The following UHRF2 variants were observed in gnomAD, a reference collection of about 807,000 sequenced individuals.
UHRF2 encodes the protein ubiquitin like with PHD and ring finger domains 2.
In UHRF2, 23 loss-of-function variants were observed where a neutral mutation model predicts 96.8. The ratio of observed to expected loss-of-function variants is 0.24; its 90% CI spans 0.17 to 0.34. The LOEUF (loss-of-function observed/expected upper bound fraction) is 0.34. Ranked by LOEUF, UHRF2 falls within the 10% of genes least tolerant of loss-of-function variation. The pLI, the probability that UHRF2 is intolerant of heterozygous loss-of-function variation, is 1.00. For missense variants in UHRF2, 685 were observed against 981.5 expected, an observed-to-expected ratio of 0.70 and a Z score of 4.04; for synonymous variants, 385 against 332.6, an observed-to-expected ratio of 1.16 and a Z score of -1.72.
intron 4 of UHRF2, among the ~76,000 whole-genome samples, chr9:6,466,699 A>G (rs989449775): frequency 1.3e-5 from 2 of 152,182 alleles, no homozygotes; most frequent in Non-Finnish European, 2.9e-5. Flanking sequence ...TACAGAATAT[A>G]TACTTAATAT....
At chr9:6,462,703 G>T (rs2130853359) in intron 4 of UHRF2, among the ~76,000 whole-genome samples, 1 of 152,230 alleles carries the variant, frequency 6.6e-6, no homozygotes, top group Admixed American at 6.5e-5. Flanking sequence ...CGGATCATGA[G>T]GTCAGGAGTT....
intron 3 of UHRF2, among the ~76,000 whole-genome samples, chr9:6,438,044 T>G (rs935084217): frequency 1.3e-5 from 2 of 152,194 alleles, no homozygotes; most frequent in Non-Finnish European, 2.9e-5. Context: ...ACCTGGTGCA[T>G]GTTCAGAGTA....
chr9:6,482,207 T>C (rs1487999936), intron 8 of UHRF2, 108 bp downstream of exon 8: 9 of 895,246 alleles, frequency 1.0e-5, no homozygotes, highest in African/African-American at 1.7e-5. Flanking sequence ...ATTCACTTGT[T>C]AGAATGAAAT....
At chr9:6,485,322 C>G (rs1230408638) in intron 8 of UHRF2, among the ~76,000 whole-genome samples, 2 of 151,810 alleles carry the variant, frequency 1.3e-5, no homozygotes, top group Non-Finnish European at 2.9e-5. Flanking sequence ...TTTTTTGCAT[C>G]TTTTTTCGTA....
chr9:6,449,833 C>T (rs1821742381), intron 3 of UHRF2, among the ~76,000 whole-genome samples: 2 of 152,200 alleles, frequency 1.3e-5, no homozygotes, highest in South Asian at 4.1e-4. Context: ...CCCTAGCAGA[C>T]AATATTTCCC....
intron 9 of UHRF2, among the ~76,000 whole-genome samples, chr9:6,491,923 A>C (rs1489872087): frequency 1.3e-5 from 2 of 152,168 alleles, no homozygotes; most frequent in South Asian, 2.1e-4. Flanking sequence ...AATAGAGACA[A>C]GGTCTCGCTA....
At chr9:6,436,561 T>C (rs1023127063) in intron 3 of UHRF2, among the ~76,000 whole-genome samples, 1 of 152,226 alleles carries the variant, frequency 6.6e-6, no homozygotes, top group African/African-American at 2.4e-5. Context: ...ATAAGAGTTA[T>C]TGTTTGGCAA....
chr9:6,472,136 C>G (rs992201163), intron 4 of UHRF2, among the ~76,000 whole-genome samples: 6 of 152,182 alleles, frequency 3.9e-5, no homozygotes, highest in African/African-American at 1.4e-4. Context: ...ATTACAGTTA[C>G]CGCTACCATC....
chr9:6,503,419 A>AG (rs397962818), intron 14 of UHRF2, among the ~76,000 whole-genome samples: 1 of 151,958 alleles, frequency 6.6e-6, no homozygotes, highest in East Asian at 1.9e-4. Flanking sequence ...AAAAAAAAAA[A>AG]CCAGCCAAGA....
chr9:6,438,825 A>C (rs142490319), intron 3 of UHRF2, among the ~76,000 whole-genome samples: 49 of 152,348 alleles, frequency 3.2e-4, no homozygotes, highest in African/African-American at 1.2e-3. Flanking sequence ...AGGCCAAGAT[A>C]AATAGCTATT....
intron 2 of UHRF2, among the ~76,000 whole-genome samples, chr9:6,423,952 A>G (rs1027980075): frequency 6.6e-6 from 1 of 151,792 alleles, no homozygotes; most frequent in Non-Finnish European, 1.5e-5. Flanking sequence ...ATCAAAAAAA[A>G]TAAATAAATA....
Position 6,434,089 on chromosome 9 carries a change from A to T in UHRF2, c.560A>T (p.Asn187Ile), listed in dbSNP as rs767750776. Residue 187 changes from asparagine (N) to isoleucine (I), a missense_variant, in exon 3 of 16, where the codon AAT becomes ATT. Transcript: ENST00000276893. ...AAGCATAAATCCAAAGAGAACACAA[A>T]TAAATTGGACAGTGTACCCTCTACG... ...NIKHKSKENTNKLDSVPSTSN... is the reference protein window; with the variant it reads ...NIKHKSKENTIKLDSVPSTSN... 1.2e-6 allele frequency: 2 copies of T among 1,614,134 alleles called. No individual in the cohort carries two copies. Among genetic ancestry groups the T allele is most frequent in the Admixed American group, 3.3e-5 (2 of 60,014 alleles).
rs372251101 is a variant in UHRF2, at chr9:6,504,576, C to T, written c.2164-17C>T. 224 of 1,593,718 alleles carry T rather than the reference C, an allele frequency of 1.4e-4. No homozygotes were observed. The African/African-American group carries it at 2.6e-3, about 19-fold the overall frequency. On this transcript the variant is annotated splice_polypyrimidine_tract_variant and intron_variant, in intron 14 of 15. Coordinates refer to ENST00000276893, the MANE Select transcript of UHRF2 (RefSeq NM_152896.3). The stretch of plus-strand genomic sequence containing the variant: ...AACTGCTAACTTTTCTTTCCTTATC[C>T]TTGGATACTGTTCTAGAATTTTCTG...
intron 6 of UHRF2, among the ~76,000 whole-genome samples, 200 bp downstream of exon 6, chr9:6,478,008 C>A (rs1418995090): frequency 6.6e-6 from 1 of 152,124 alleles, no homozygotes; most frequent in African/African-American, 2.4e-5. Flanking sequence ...TTTTTAATCC[C>A]TTCCGTTTCT....
rs1194115583 is a variant in UHRF2, at chr9:6,481,782, C to A, written c.1284+16C>A. On this transcript the variant is annotated intron_variant, in intron 7 of 15. Transcript: ENST00000276893. ...CTGGGGCAGGGTAAAGAAGAAATTC[C>A]CCTTTTCTTCCTAATAGCAAGTTAT... 1.3e-6 allele frequency: 2 copies of A among 1,599,580 alleles called. No individual in the cohort carries two copies. The highest frequency in any genetic ancestry group is 4.5e-5 in the East Asian group (2 of 44,802).
chr9:6,455,645 G>A (rs901349302), intron 3 of UHRF2, among the ~76,000 whole-genome samples: 1 of 152,170 alleles, frequency 6.6e-6, no homozygotes, highest in Non-Finnish European at 1.5e-5. Flanking sequence ...AGTGTGGACT[G>A]TTACTGATTT....
At chr9:6,422,768 C>T (rs574943018) in intron 2 of UHRF2, 33 of 432,374 alleles carry the variant, frequency 7.6e-5, no homozygotes, top group East Asian at 5.3e-4. Context: ...CCACCATGCC[C>T]GGCTAACTTA....
chr9:6,498,155 A>G lies in UHRF2; in HGVS notation c.1905A>G (p.Leu635=), dbSNP rs772576492. Residue 635 remains leucine, a synonymous_variant, in exon 12 of 16, where the codon TTA becomes TTG. Transcript: ENST00000276893. ...IERSRRLCLR[L]QYPAGYPSDK... ...GGTCAAGGAGATTATGTCTACGTTT[A>G]CAGGTTAGATTACATTTGTCTAGGC... 6.2e-7 allele frequency: 1 copy of G among 1,613,110 alleles called. No homozygotes were observed. The highest frequency in any genetic ancestry group is 1.7e-5 in the Admixed American group (1 of 59,818).
chr9:6,424,486 A>C (rs940025230), intron 2 of UHRF2, among the ~76,000 whole-genome samples: 1 of 152,198 alleles, frequency 6.6e-6, no homozygotes, highest in Non-Finnish European at 1.5e-5. Context: ...TTACATTATT[A>C]CTTTTTTATT....
Sources: allele counts gnomAD v4.1 joint callset (sites outside exome capture counted in the v4.1 genomes callset), GRCh38; gene constraint gnomAD v4.1.1; transcripts MANE v1.5; gene names NCBI Gene and HGNC (gene_info 2026-07-23, HGNC 2026-07-21).